The following XKR9 variants were observed in gnomAD, a reference collection of about 807,000 sequenced individuals.
The protein encoded by XKR9 is XK-related protein 9.
XKR9 carries 32 observed loss-of-function variants against 32.0 expected under a neutral mutation model. The observed-to-expected ratio is 1.00, with a 90% CI of 0.76 to 1.34. XKR9 has a LOEUF of 1.34. Among genes scored for constraint, XKR9 ranks in the 40% most tolerant of loss-of-function variants. The probability of loss-of-function intolerance (pLI) is 0.00; values close to 1 mark genes in which losing one functional copy is unlikely to be tolerated. For missense variants in XKR9, 546 were observed against 429.7 expected (o/e 1.27, Z -2.39); for synonymous variants, 168 against 143.4 (o/e 1.17, Z -1.22).
chr8:70,951,798 A>G, the XKR9 span, among the ~76,000 whole-genome samples: 9 of 152,130 alleles, frequency 5.9e-5, no homozygotes. Context: ...CTGTCAGTGC[A>G]AGCTGTCTCT....
chr8:71,060,226 G>A, the XKR9 span, among the ~76,000 whole-genome samples: 2 of 152,220 alleles, frequency 1.3e-5, no homozygotes, highest in Non-Finnish European at 2.9e-5. Context: ...GTTCTTTTGT[G>A]GAGATGCTGG....
the XKR9 span, among the ~76,000 whole-genome samples, chr8:70,805,173 A>ACG: frequency 6.6e-6 from 1 of 152,222 alleles, no homozygotes; most frequent in African/African-American, 2.4e-5. Context: ...CCTAAGAGCC[A>ACG]CACAGGGCAG....
chr8:70,757,312 T>G (rs547717715), intron 2 of XKR9, among the ~76,000 whole-genome samples: 3 of 152,236 alleles, frequency 2.0e-5, no homozygotes, highest in African/African-American at 7.2e-5. Context: ...CATCATCTTT[T>G]TTTTCTCTCT....
the XKR9 span, among the ~76,000 whole-genome samples, chr8:71,051,748 G>A: frequency 6.6e-6 from 1 of 152,220 alleles, no homozygotes; most frequent in Non-Finnish European, 1.5e-5. Context: ...AATAGAAACA[G>A]CTTAAACCAG....
chr8:70,760,309 T>A (rs1177473164), intron 2 of XKR9, among the ~76,000 whole-genome samples: 2 of 152,222 alleles, frequency 1.3e-5, no homozygotes, highest in Non-Finnish European at 2.9e-5. Flanking sequence ...TATTCAGCTA[T>A]TTTACCTATT....
chr8:70,811,546 A>C, the XKR9 span, among the ~76,000 whole-genome samples: 1 of 152,218 alleles, frequency 6.6e-6, no homozygotes, highest in Admixed American at 6.5e-5. Flanking sequence ...ACTGGTAGCA[A>C]GACTAATAAA....
intron 2 of XKR9, among the ~76,000 whole-genome samples, chr8:70,773,488 G>T (rs569824028): frequency 1.3e-5 from 2 of 152,252 alleles, no homozygotes; most frequent in South Asian, 4.1e-4. Flanking sequence ...TGCAAAATTG[G>T]ATGATCTTGG....
the XKR9 span, among the ~76,000 whole-genome samples, chr8:70,991,158 C>G: frequency 2.0e-5 from 3 of 152,110 alleles, no homozygotes; most frequent in Non-Finnish European, 4.4e-5. Flanking sequence ...AGTAGAGCTG[C>G]CTGTGAGCAG....
At chr8:70,813,135 G>T in the XKR9 span, among the ~76,000 whole-genome samples, 1 of 152,122 alleles carries the variant, frequency 6.6e-6, no homozygotes, top group Non-Finnish European at 1.5e-5. Context: ...CAGAAATAAT[G>T]CCGCATATCT....
the XKR9 span, among the ~76,000 whole-genome samples, chr8:70,982,409 A>C: frequency 6.6e-6 from 1 of 152,118 alleles, no homozygotes; most frequent in African/African-American, 2.4e-5. Flanking sequence ...GTGGAGTTAT[A>C]TTCCTAGGAG....
At chr8:70,698,020 C>T (rs13254770) in intron 3 of XKR9, among the ~76,000 whole-genome samples, 46 of 150,144 alleles carry the variant, frequency 3.1e-4, no homozygotes, top group South Asian at 1.9e-3. Flanking sequence ...TCTGTGGGAT[C>T]GGTGGTGATA....
the XKR9 span, among the ~76,000 whole-genome samples, chr8:71,047,804 G>C: frequency 4.6e-5 from 7 of 152,136 alleles, no homozygotes; most frequent in Admixed American, 3.9e-4. Flanking sequence ...TGGTCCCCCA[G>C]TGCTTTTTAA....
At chr8:71,009,682 A>C in the XKR9 span, among the ~76,000 whole-genome samples, 1 of 152,200 alleles carries the variant, frequency 6.6e-6, no homozygotes, top group Non-Finnish European at 1.5e-5. Flanking sequence ...TGAGGGAAGC[A>C]GTTCCTTTCA....
chr8:70,980,367 G>A, the XKR9 span, among the ~76,000 whole-genome samples: 1 of 152,194 alleles, frequency 6.6e-6, no homozygotes, highest in East Asian at 1.9e-4. Context: ...GCTCCAGACT[G>A]GAGCTGTTCC....
At chr8:70,789,566 C>T (rs1291660637) in intron 3 of XKR9, 1 of 151,982 alleles carries the variant, frequency 6.6e-6, no homozygotes. Context: ...TAACTATTAG[C>T]AAAAGGAAAT....
At chr8:70,959,743 A>C in the XKR9 span, among the ~76,000 whole-genome samples, 2 of 152,198 alleles carry the variant, frequency 1.3e-5, no homozygotes, top group African/African-American at 4.8e-5. Flanking sequence ...TGATTTTGTT[A>C]TGAGTGAGGC....
chr8:70,993,071 G>A, the XKR9 span, among the ~76,000 whole-genome samples: 1 of 152,084 alleles, frequency 6.6e-6, no homozygotes, highest in African/African-American at 2.4e-5. Flanking sequence ...TCCTCCAATT[G>A]CCTATATTAA....
At chr8:70,797,399 A>G in the XKR9 span, among the ~76,000 whole-genome samples, 1 of 152,042 alleles carries the variant, frequency 6.6e-6, no homozygotes, top group African/African-American at 2.4e-5. Context: ...CTCTACTTGG[A>G]TTTGCATGTG....
chr8:70,762,258 T>C (rs1377712905), intron 2 of XKR9, among the ~76,000 whole-genome samples: 1 of 152,176 alleles, frequency 6.6e-6, no homozygotes, highest in Non-Finnish European at 1.5e-5. Context: ...AAACAAAAAC[T>C]ATATAATCAT....
Sources: allele counts gnomAD v4.1 joint callset (sites outside exome capture counted in the v4.1 genomes callset), GRCh38; gene constraint gnomAD v4.1.1; transcripts MANE v1.5; gene names NCBI Gene and HGNC (gene_info 2026-07-23, HGNC 2026-07-21).